Variants in PAPSS2 observed in about 807,000 individuals in gnomAD.
The protein encoded by PAPSS2 is bifunctional 3'-phosphoadenosine 5'-phosphosulfate synthase 2.
A neutral mutation model predicts 66.5 loss-of-function variants in PAPSS2; 61 were observed. The observed-to-expected ratio is 0.92, with a 90% CI of 0.75 to 1.14. The LOEUF (loss-of-function observed/expected upper bound fraction) is 1.14. Ranked by LOEUF, PAPSS2 falls within the 50% of genes most tolerant of loss-of-function variation. The pLI is 0.00. For missense variants in PAPSS2, 708 were observed against 789.6 expected (o/e 0.90, Z 1.24); for synonymous variants, 289 against 287.5 (o/e 1.01, Z -0.05).
chr10:87,680,888 G>A (rs1042266676), intron 1 of PAPSS2, among the ~76,000 whole-genome samples: 3 of 151,954 alleles, frequency 2.0e-5, no homozygotes, highest in South Asian at 2.1e-4. Flanking sequence ...CTTTTGCTCC[G>A]AGATGTATTT....
intron 9 of PAPSS2, 32 bp from the exon 10 acceptor site, chr10:87,741,203 A>G (rs1233671207): frequency 1.2e-6 from 2 of 1,609,960 alleles, no homozygotes; most frequent in South Asian, 2.2e-5. Context: ...ATCACAATTA[A>G]TCATTAGCAA....
At chr10:87,669,793 G>A (rs1852854721) in intron 1 of PAPSS2, among the ~76,000 whole-genome samples, 1 of 152,210 alleles carries the variant, frequency 6.6e-6, no homozygotes, top group African/African-American at 2.4e-5. Flanking sequence ...ACTGAAATGG[G>A]TCTTTAAAGA....
chr10:87,694,076 A>G (rs754420575), intron 1 of PAPSS2, among the ~76,000 whole-genome samples: 5 of 152,238 alleles, frequency 3.3e-5, no homozygotes, highest in Non-Finnish European at 7.3e-5. Flanking sequence ...AATACCTACT[A>G]TAAGTCCAAG....
chr10:87,712,903 T>A (rs1256391986), intron 2 of PAPSS2, among the ~76,000 whole-genome samples, 172 bp from the exon 3 acceptor site: 2 of 152,072 alleles, frequency 1.3e-5, no homozygotes, highest in African/African-American at 4.8e-5. Context: ...AATAGTTATT[T>A]CAAAATTTGA....
At chr10:87,682,704 G>T (rs1853036790) in intron 1 of PAPSS2, among the ~76,000 whole-genome samples, 1 of 152,196 alleles carries the variant, frequency 6.6e-6, no homozygotes, top group Admixed American at 6.5e-5. Context: ...GATATTAAAA[G>T]AGATGTTGAA....
At chr10:87,703,834 A>AC in intron 1 of PAPSS2, 1 of 518,144 alleles carries the variant, frequency 1.9e-6, no homozygotes, top group Non-Finnish European at 3.9e-6. Flanking sequence ...GGGTTTCTGG[A>AC]CCACTTCCTG....
intron 1 of PAPSS2, among the ~76,000 whole-genome samples, chr10:87,687,728 C>A (rs1417690933): frequency 6.6e-6 from 1 of 152,126 alleles, no homozygotes; most frequent in Non-Finnish European, 1.5e-5. Context: ...GGAATGCTTA[C>A]CCTGATTTCA....
chr10:87,687,900 AT>A (rs1005080264), intron 1 of PAPSS2, among the ~76,000 whole-genome samples: 1 of 152,236 alleles, frequency 6.6e-6, no homozygotes, highest in African/African-American at 2.4e-5. Context: ...CCATAGTTTT[AT>A]CTGGATTTGA....
intron 2 of PAPSS2, 128 bp from the exon 3 acceptor site, chr10:87,712,947 C>T: frequency 3.0e-6 from 2 of 673,090 alleles, no homozygotes; most frequent in South Asian, 3.4e-5. Context: ...TAGTCAACTA[C>T]ACTGATTTCT....
chr10:87,717,193 C>T (rs1853542655), intron 7 of PAPSS2, among the ~76,000 whole-genome samples: 1 of 152,208 alleles, frequency 6.6e-6, no homozygotes, highest in Non-Finnish European at 1.5e-5. Context: ...TGAACACCGA[C>T]TGCCTGAAGT....
intron 1 of PAPSS2, among the ~76,000 whole-genome samples, chr10:87,695,277 G>C (rs1049319669): frequency 2.0e-5 from 3 of 152,164 alleles, no homozygotes; most frequent in Non-Finnish European, 2.9e-5. Context: ...GCTCTGTGGG[G>C]CCTCTTCATA....
In PAPSS2 at chr10:87,698,559, A is replaced by G. The variant is rs76210596; in HGVS notation, c.28-10637A>G. Among the ~76,000 whole-genome samples, 1,373 of 152,294 alleles carry G rather than the reference A, an allele frequency of 9.0e-3. 25 individuals are homozygous for G. Among genetic ancestry groups the G allele is most frequent in the African/African-American group, 0.031 (1,268 of 41,546 alleles). On this transcript the variant is annotated intron_variant, in intron 1 of 12. Coordinates refer to ENST00000456849, the MANE Select transcript of PAPSS2 (RefSeq NM_001015880.2). The stretch of plus-strand genomic sequence containing the variant: ...GTAGTTTAACACAAAGTATAATCCT[A>G]TAGTGTTGGAGGCTTCCGAGAGGCA...
At chr10:87,701,276 TC>T (rs1450197606) in intron 1 of PAPSS2, among the ~76,000 whole-genome samples, 6 of 103,794 alleles carry the variant, frequency 5.8e-5, no homozygotes, top group African/African-American at 2.7e-4. Flanking sequence ...TCTTCCTTTC[TC>T]TTTTTTCTTT....
chr10:87,703,360 G>A (rs1202329403), intron 1 of PAPSS2, among the ~76,000 whole-genome samples: 1 of 151,560 alleles, frequency 6.6e-6, no homozygotes, highest in Non-Finnish European at 1.5e-5. Context: ...GATCATGAGT[G>A]CCACATCCTC....
intron 7 of PAPSS2, among the ~76,000 whole-genome samples, chr10:87,720,855 A>G (rs1181588987): frequency 6.6e-6 from 1 of 152,246 alleles, no homozygotes; most frequent in African/African-American, 2.4e-5. Context: ...TCAGTGTATC[A>G]TATCACTTTA....
chr10:87,720,802 G>T (rs1409576238), intron 7 of PAPSS2, among the ~76,000 whole-genome samples: 1 of 152,088 alleles, frequency 6.6e-6, no homozygotes, highest in African/African-American at 2.4e-5. Flanking sequence ...TAATTGTGTA[G>T]TATGAGTCAC....
chr10:87,723,649 T>A (rs894141731), intron 8 of PAPSS2, among the ~76,000 whole-genome samples: 1 of 145,704 alleles, frequency 6.9e-6, no homozygotes, highest in Non-Finnish European at 1.5e-5. Context: ...GATTTTATGA[T>A]AGACCGGATT....
chr10:87,679,979 T>C (rs1852998713), intron 1 of PAPSS2, among the ~76,000 whole-genome samples: 3 of 150,040 alleles, frequency 2.0e-5, no homozygotes, highest in African/African-American at 7.4e-5. Context: ...TGAGCCACCA[T>C]GATCGTGCCA....
chr10:87,715,281 C>A (rs1853519041), intron 6 of PAPSS2, among the ~76,000 whole-genome samples, 183 bp downstream of exon 6: 1 of 152,172 alleles, frequency 6.6e-6, no homozygotes, highest in Admixed American at 6.5e-5. Context: ...CCAAGAATTG[C>A]CACAAGGCAG....
Sources: allele counts gnomAD v4.1 joint callset (sites outside exome capture counted in the v4.1 genomes callset), GRCh38; gene constraint gnomAD v4.1.1; transcripts MANE v1.5; gene names NCBI Gene and HGNC (gene_info 2026-07-23, HGNC 2026-07-21).